Variants in ZBED3 observed in about 807,000 individuals in gnomAD.
ZBED3 encodes zinc finger BED domain-containing protein 3.
For synonymous variants in ZBED3, 175 were observed against 180.0 expected, an observed-to-expected ratio of 0.97 and a Z score of 0.22; for missense variants, 388 against 362.9, an observed-to-expected ratio of 1.07 and a Z score of -0.56.
rs1300685529 is a variant in ZBED3, at chr5:77,075,362, G to C, written c.*1812C>G. 2 of 152,204 alleles carry C rather than the reference G, an allele frequency of 1.3e-5. No homozygotes were observed. Among genetic ancestry groups the C allele is most frequent in the African/African-American group, 4.8e-5 (2 of 41,442 alleles). The allele number at this position is 152,204 out of a possible 1,614,324, so 9.4% of individuals were successfully genotyped here. On this transcript the variant is annotated 3_prime_UTR_variant, in exon 3 of 3. Coordinates refer to ENST00000255198, the MANE Select transcript of ZBED3 (RefSeq NM_032367.4). The stretch of plus-strand genomic sequence containing the variant: ...GAATGTATGAACCTTGATGGGACCT[G>C]GTTGTTGTCGTTGTTTTTAAAGACA...
intron 1 of ZBED3, among the ~76,000 whole-genome samples, chr5:77,084,690 G>A (rs1470555889): frequency 1.3e-5 from 2 of 152,146 alleles, no homozygotes; most frequent in Non-Finnish European, 2.9e-5. Flanking sequence ...GCAGCTCCTG[G>A]GAGCTGATGT....
intron 2 of ZBED3, among the ~76,000 whole-genome samples, chr5:77,078,246 T>G (rs1743065849): frequency 6.6e-6 from 1 of 151,608 alleles, no homozygotes; most frequent in Admixed American, 6.5e-5. Context: ...GTCTCTGCTT[T>G]CTTAATAACA....
At position 77,077,754 on chromosome 5, in the gene ZBED3, C is replaced by A; in HGVS notation, c.125G>T (p.Gly42Val). ...GCCCCAGGCCTCGGAGTATGGCGCC[C>A]CCAGGCGGCCGGGAGGCGTCGGCGT... ...APTPTPPGRL[G>V]APYSEAWGYF... Residue 42 changes from glycine to valine, a missense_variant, in exon 3 of 3, where the codon GGG (glycine) becomes GTG (valine). Physicochemically the swap from Gly to Val is moderately radical, Grantham distance 109 (BLOSUM62 -3). Coordinates refer to ENST00000255198, the MANE Select transcript of ZBED3 (RefSeq NM_032367.4). 1 of 1,321,486 alleles carries A rather than the reference C, an allele frequency of 7.6e-7. No homozygotes were observed. Among genetic ancestry groups the A allele is most frequent in the Admixed American group, 3.8e-5 (1 of 26,186 alleles). The allele number at this position is 1,321,486 out of a possible 1,614,324, so 81.9% of individuals were successfully genotyped here.
At chr5:77,078,913 T>G (rs919883868) in intron 1 of ZBED3, 185 bp from the exon 2 acceptor site, 3 of 152,170 alleles carry the variant, frequency 2.0e-5, no homozygotes, top group African/African-American at 7.2e-5. Context: ...AACTAAAAGA[T>G]CCCCTCTACA....
intron 1 of ZBED3, among the ~76,000 whole-genome samples, chr5:77,081,782 C>T (rs1413000738): frequency 6.6e-6 from 1 of 152,170 alleles, no homozygotes; most frequent in African/African-American, 2.4e-5. Flanking sequence ...TTACATCCAT[C>T]CACTCCATCC....
chr5:77,080,302 AG>A, intron 1 of ZBED3: 1 of 371,626 alleles, frequency 2.7e-6, no homozygotes, highest in Non-Finnish European at 5.3e-6. Context: ...GAATGCCCAG[AG>A]GGAGTGTCGC....
chr5:77,082,050 T>A (rs1305165301), intron 1 of ZBED3, among the ~76,000 whole-genome samples: 1 of 152,174 alleles, frequency 6.6e-6, no homozygotes, highest in African/African-American at 2.4e-5. Flanking sequence ...GTGGATCACC[T>A]GAGGTCAGGA....
At chr5:77,082,304 C>T (rs561699210) in intron 1 of ZBED3, among the ~76,000 whole-genome samples, 5 of 151,838 alleles carry the variant, frequency 3.3e-5, no homozygotes, top group African/African-American at 1.2e-4. Flanking sequence ...AGATTCTACT[C>T]CTGGGGATCT....
chr5:77,077,232 A>G lies in ZBED3; in HGVS notation c.647T>C (p.Leu216Pro). 1.3e-6 allele frequency: 2 copies of G among 1,488,968 alleles called. No homozygotes were observed. Among genetic ancestry groups the G allele is most frequent in the Middle Eastern group, 1.7e-4 (1 of 5,786 alleles). 92.2% of individuals were successfully genotyped at this position (1,488,968 alleles called of 1,614,324 possible). ...LGWAPAAPPP[L>P]KDDPEGDRDG... ...CCTGTCACCCTCGGGGTCGTCCTTGAGCGGCGGCGGCGCAGCGGGGGCCCA... is the reference window on the plus strand; with the variant it reads ...CCTGTCACCCTCGGGGTCGTCCTTGGGCGGCGGCGGCGCAGCGGGGGCCCA... The change falls in exon 3 of 3, where the codon CTC becomes CCC. Residue 216 changes from leucine to proline, a missense_variant. Leu to Pro is a moderately conservative substitution (Grantham distance 98). Transcript: ENST00000255198.
In ZBED3 at chr5:77,077,254, C is replaced by T. The variant is rs774498544; in HGVS notation, c.625G>A (p.Ala209Thr). The change falls in exon 3 of 3, where the codon GCC becomes ACC. Residue 209 changes from alanine (A) to threonine (T), a missense_variant. Transcript: ENST00000255198. The stretch of plus-strand genomic sequence containing the variant: ...TTGAGCGGCGGCGGCGCAGCGGGGG[C>T]CCAGCCCAGGGCGCCCTCACGGCGG... ...VSRREGALGW[A>T]PAAPPPLKDD... 3 of 1,462,186 alleles carry T rather than the reference C, an allele frequency of 2.1e-6. No individual in the cohort carries two copies. Among genetic ancestry groups the T allele is most frequent in the Admixed American group, 2.4e-5 (1 of 41,220 alleles). 90.6% of individuals were successfully genotyped at this position (1,462,186 alleles called of 1,614,324 possible).
rs1743030018 is a variant in ZBED3, at chr5:77,077,269, C to T, written c.610G>A (p.Gly204Ser). The T allele has an allele frequency of 4.9e-6, 7 of 1,431,110 alleles. No individual in the cohort carries two copies. The East Asian group carries it at 2.1e-4, about 43-fold the overall frequency. 88.7% of individuals were successfully genotyped at this position (1,431,110 alleles called of 1,614,324 possible). Residue 204 changes from glycine to serine, a missense_variant, in exon 3 of 3, where the codon GGC becomes AGC. By Grantham distance (56) the Gly-to-Ser change is moderately conservative. Coordinates refer to ENST00000255198, the MANE Select transcript of ZBED3 (RefSeq NM_032367.4). ...ARLRDVSRREGALGWAPAAPP... is the reference protein window; with the variant it reads ...ARLRDVSRRESALGWAPAAPP... ...GCAGCGGGGGCCCAGCCCAGGGCGC[C>T]CTCACGGCGGCTCACATCCCGCAGC...
rs1424672007 is a variant in ZBED3 at position 77,077,814 on chromosome 5, C to T, written c.65G>A (p.Arg22Gln). 2.3e-6 allele frequency: 3 copies of T among 1,296,962 alleles called. No homozygotes were observed. In the Admixed American group the frequency reaches 1.2e-4, roughly 53 times the overall value. The allele number at this position is 1,296,962 out of a possible 1,614,324, so 80.3% of individuals were successfully genotyped here. A position where few individuals can be genotyped will look rare whatever the true frequency, so the allele number is the denominator to read the frequency against. ...CCCCAGTCCCGGACACTGACCGCCC[C>T]GCGCCGCCGCGTCGTCCAGCCCGCG... ...QARGLDDAAA[R>Q]GGQCPGLGPA... The change falls in exon 3 of 3, where the codon CGG becomes CAG. Residue 22 changes from arginine (R) to glutamine (Q), a missense_variant. Transcript: ENST00000255198.
rs1742980014 is a variant in ZBED3, at chr5:77,075,982, T to TAC, written c.*1191_*1192insGT. On this transcript the variant is annotated 3_prime_UTR_variant, in exon 3 of 3. Coordinates refer to ENST00000255198, the MANE Select transcript of ZBED3 (RefSeq NM_032367.4). ...ATATATATATGTATATGTATATATGTATATATATATGTATATATGTATATA... is the reference window on the plus strand; with the variant it reads ...ATATATATATGTATATGTATATATGTACATATATATATGTATATATGTATATA... 1 of 29,586 alleles carries TAC rather than the reference T, an allele frequency of 3.4e-5. No homozygotes were observed. Among genetic ancestry groups the TAC allele is most frequent in the Non-Finnish European group, 6.7e-5 (1 of 14,852 alleles). The allele number at this position is 29,586 out of a possible 1,614,324, so 1.8% of individuals were successfully genotyped here.
Position 77,077,029 on chromosome 5 carries a change from T to G in ZBED3, c.*145A>C, listed in dbSNP as rs536639411. 2 of 544,316 alleles carry G rather than the reference T, an allele frequency of 3.7e-6. No individual in the cohort carries two copies. The highest frequency in any genetic ancestry group is 7.1e-5 in the East Asian group (2 of 27,992). 33.7% of individuals were successfully genotyped at this position (544,316 alleles called of 1,614,324 possible). On this transcript the variant is annotated 3_prime_UTR_variant, in exon 3 of 3. Coordinates refer to ENST00000255198, the MANE Select transcript of ZBED3 (RefSeq NM_032367.4). Reference sequence around the variant, plus strand: ...CTTCTCAAGCTGAAGCCTTAGGGTGTGGAAGATCCTACAGTTAGCTGGAGC... The same window carrying G: ...CTTCTCAAGCTGAAGCCTTAGGGTGGGGAAGATCCTACAGTTAGCTGGAGC...
intron 1 of ZBED3, among the ~76,000 whole-genome samples, chr5:77,084,425 T>C (rs1347240764): frequency 6.6e-6 from 1 of 152,176 alleles, no homozygotes; most frequent in Non-Finnish European, 1.5e-5. Flanking sequence ...TTGACCCTCA[T>C]TATAGCTCAT....
At chr5:77,086,306 T>A (rs1486640909) in intron 1 of ZBED3, among the ~76,000 whole-genome samples, 3 of 152,216 alleles carry the variant, frequency 2.0e-5, no homozygotes, top group Admixed American at 6.5e-5. Flanking sequence ...TTTGGTCTTT[T>A]TATAATACGT....
At position 77,077,047 on chromosome 5, in the gene ZBED3, G is replaced by C. The variant is rs890064969; in HGVS notation, c.*127C>G. The C allele has an allele frequency of 9.1e-6, 6 of 657,400 alleles. No individual in the cohort carries two copies. Among genetic ancestry groups the C allele is most frequent in the Middle Eastern group, 2.7e-4 (1 of 3,760 alleles). The allele number at this position is 657,400 out of a possible 1,614,324, so 40.7% of individuals were successfully genotyped here. On this transcript the variant is annotated 3_prime_UTR_variant, in exon 3 of 3. Coordinates refer to ENST00000255198, the MANE Select transcript of ZBED3 (RefSeq NM_032367.4). ...TAGGGTGTGGAAGATCCTACAGTTAGCTGGAGCTTCCGAGTGAGTAGCGGC... is the reference window on the plus strand; with the variant it reads ...TAGGGTGTGGAAGATCCTACAGTTACCTGGAGCTTCCGAGTGAGTAGCGGC...
rs143322558 is a variant in ZBED3 at position 77,085,447 on chromosome 5, C to T, written c.-153+1664G>A. ...AAAGGACATAGCAGATTAACTACAC[C>T]TCTATTTGTCCTTCTATACTCAAGG... On this transcript the variant is annotated intron_variant, in intron 1 of 2. Transcript: ENST00000255198. 2.6e-5 allele frequency among the ~76,000 whole-genome samples: 4 copies of T among 152,312 alleles called. No individual in the cohort carries two copies. In the East Asian group the frequency reaches 7.7e-4, roughly 29 times the overall value.
At chr5:77,086,903 C>G (rs562593311) in intron 1 of ZBED3, 1 of 152,340 alleles carries the variant, frequency 6.6e-6, no homozygotes, top group East Asian at 1.9e-4. Flanking sequence ...CACTGGAAGA[C>G]GGTGAGCGGG....
Sources: allele counts gnomAD v4.1 joint callset (sites outside exome capture counted in the v4.1 genomes callset), GRCh38; gene constraint gnomAD v4.1.1; transcripts MANE v1.5; gene names NCBI Gene and HGNC (gene_info 2026-07-23, HGNC 2026-07-21).